ATP13A1: variants seen among roughly 807,000 people sequenced by gnomAD.
The protein encoded by ATP13A1 is ATPase 13A1.
A neutral mutation model predicts 134.8 loss-of-function variants in ATP13A1; 55 were observed. That is an observed-to-expected ratio of 0.41 (90% CI 0.33 to 0.51). The LOEUF is 0.51. Among genes scored for constraint, ATP13A1 ranks in the 20% least tolerant of loss-of-function variants. The pLI is 0.29. For synonymous variants in ATP13A1, 775 were observed against 725.1 expected (o/e 1.07, Z -1.10); for missense variants, 1,389 against 1,652.8 (o/e 0.84, Z 2.77).
chr19:19,658,997 G>A (rs2062077597), intron 3 of ATP13A1, among the ~76,000 whole-genome samples: 1 of 152,194 alleles, frequency 6.6e-6, no homozygotes, highest in African/African-American at 2.4e-5. Flanking sequence ...GGGGCCACAG[G>A]CTAGACTCCT....
Position 19,645,466 on chromosome 19 carries a change from G to A in ATP13A1, c.3571C>T (p.Leu1191=), listed in dbSNP as rs1480216093. The change falls in exon 26 of 26, where the codon CTG becomes TTG. Residue 1191 remains leucine (L), a synonymous_variant. Transcript: ENST00000357324. This position sits in a 1 kb window ranked among gnomAD's most constrained non-coding sequence, Gnocchi z 4.1. ...TTCGGGGTCCCCAGGAAGAACTGCA[G>A]GACGCGGTCGGCCAGGAGCGCCAGG... The part of the protein sequence containing the change: ...FCLALLADRV[L]QFFLGTPKLK... The A allele has an allele frequency of 4.4e-6, 7 of 1,607,952 alleles. No homozygotes were observed. The South Asian group carries it at 5.6e-5, about 13-fold the overall frequency.
In ATP13A1 at chr19:19,647,865, G is replaced by T; in HGVS notation, c.2633-106C>A. 7.2e-7 allele frequency: 1 copy of T among 1,390,720 alleles called. No individual in the cohort carries two copies. The highest frequency in any genetic ancestry group is 9.6e-7 in the Non-Finnish European group (1 of 1,044,900). The allele number at this position is 1,390,720 out of a possible 1,614,324, so 86.1% of individuals were successfully genotyped here. A position where few individuals can be genotyped will look rare whatever the true frequency, so the allele number is the denominator to read the frequency against. On this transcript the variant is annotated intron_variant, in intron 19 of 25. Coordinates refer to ENST00000357324, the MANE Select transcript of ATP13A1 (RefSeq NM_020410.3). This position sits in a 1 kb window ranked among gnomAD's most constrained non-coding sequence, Gnocchi z 4.8. The stretch of plus-strand genomic sequence containing the variant: ...GAAGTCCCCCAGCTGGCTCCCGTGA[G>T]GACAGTTCCCAGACTTCCCCATTTC...
intron 1 of ATP13A1, among the ~76,000 whole-genome samples, chr19:19,662,809 G>C (rs1176166091): frequency 6.6e-6 from 1 of 152,202 alleles, no homozygotes; most frequent in Admixed American, 6.5e-5. Context: ...ACTTGGTTCA[G>C]TCTAAGAACC....
chr19:19,655,138 G>A lies in ATP13A1; in HGVS notation c.1636C>T (p.Arg546Cys), dbSNP rs780164766. The change falls in exon 12 of 26, where the codon CGC becomes TGC. Residue 546 changes from arginine to cysteine, a missense_variant. By Grantham distance (180) the Arg-to-Cys change is radical. Transcript: ENST00000357324. This position sits in a 1 kb window ranked among gnomAD's most constrained non-coding sequence, Gnocchi z 5.7. ...GCTTACCTCAGCCCGGCCACACCGC[G>A]CACCACCAGGCTGTCACTGGTCAAC... ...GTLTSDSLVV[R>C]GVAGLRDGKE... 8 of 1,613,862 alleles carry A rather than the reference G, an allele frequency of 5.0e-6. No homozygotes were observed. The highest frequency in any genetic ancestry group is 1.7e-5 in the Admixed American group (1 of 59,996).
rs2062097905 is a variant in ATP13A1 at position 19,662,007 on chromosome 19, A to T, written c.396+1264T>A. 4.5e-6 allele frequency: 7 copies of T among 1,545,028 alleles called. No homozygotes were observed. In the South Asian group the frequency reaches 7.2e-5, roughly 16 times the overall value. On this transcript the variant is annotated intron_variant, in intron 1 of 25. Transcript: ENST00000357324. ...GTTAGTTACGGTTCTCAGTTTACAGAAGGGGGAAACTGAAACTCAGAGAGC... is the reference window on the plus strand; with the variant it reads ...GTTAGTTACGGTTCTCAGTTTACAGTAGGGGGAAACTGAAACTCAGAGAGC...
chr19:19,645,682 T>TG lies in ATP13A1; in HGVS notation c.3468dup (p.Asn1157GlnfsTer115). On this transcript the variant is annotated frameshift_variant, in exon 25 of 26. Transcript: ENST00000357324. LOFTEE classifies it high-confidence loss of function. The surrounding 1 kb of genome is among the most constrained non-coding windows in gnomAD (Gnocchi z 4.1). ...ATGTCCACGAGGCCAAACTGGCTGT[T>TG]GAAGTCGGGCGAGGAGCCGAGGAGC... The TG allele has an allele frequency of 6.3e-7, 1 of 1,575,874 alleles. No homozygotes were observed. Among genetic ancestry groups the TG allele is most frequent in the Non-Finnish European group, 8.6e-7 (1 of 1,161,152 alleles).
rs1485054337 is a variant in ATP13A1, at chr19:19,649,866, C to T, written c.2410G>A (p.Ala804Thr). Residue 804 changes from alanine (A) to threonine (T), a missense_variant, in exon 18 of 26, where the codon GCC becomes ACC. Transcript: ENST00000357324. ...PLARGSPKAL[A>T]LEYALCLTGD... ...GTGAGGCACAGTGCGTACTCCAGGG[C>T]CAGTGCCTTTGGGGAGCCCCGGGCC... 1 of 1,603,412 alleles carries T rather than the reference C, an allele frequency of 6.2e-7. No individual in the cohort carries two copies. Among genetic ancestry groups the T allele is most frequent in the Middle Eastern group, 1.7e-4 (1 of 5,972 alleles).
At chr19:19,659,554 G>A (rs369963752) in intron 3 of ATP13A1, 47 bp downstream of exon 3, 49 of 1,544,916 alleles carry the variant, frequency 3.2e-5, no homozygotes, top group Non-Finnish European at 4.0e-5. Context: ...ATCAGGAGGG[G>A]AGCAGGACAG....
Position 19,645,837 on chromosome 19 carries a change from G to T in ATP13A1, c.3360+37C>A. 1.7e-6 allele frequency: 1 copy of T among 591,994 alleles called. No homozygotes were observed. The highest frequency in any genetic ancestry group is 3.2e-6 in the Non-Finnish European group (1 of 312,914). The allele number at this position is 591,994 out of a possible 1,614,324, so 36.7% of individuals were successfully genotyped here. A position where few individuals can be genotyped will look rare whatever the true frequency, so the allele number is the denominator to read the frequency against. ...GGCTTCATGGGGTGGGGCTGGGTGGGCAGACAGTGAATGTTTGGGCAGGGC... is the reference window on the plus strand; with the variant it reads ...GGCTTCATGGGGTGGGGCTGGGTGGTCAGACAGTGAATGTTTGGGCAGGGC... On this transcript the variant is annotated intron_variant, in intron 24 of 25. Coordinates refer to ENST00000357324, the MANE Select transcript of ATP13A1 (RefSeq NM_020410.3). This position sits in a 1 kb window ranked among gnomAD's most constrained non-coding sequence, Gnocchi z 4.1.
chr19:19,647,612 G>A lies in ATP13A1; in HGVS notation c.2780C>T (p.Pro927Leu). The A allele has an allele frequency of 6.2e-7, 1 of 1,613,520 alleles. No individual in the cohort carries two copies. The change falls in exon 20 of 26, where the codon CCA becomes CTA. Residue 927 changes from proline to leucine, a missense_variant. By Grantham distance (98) the Pro-to-Leu change is moderately conservative. This residue lies in a region of ATP13A1 where 121 missense variants were observed against 104.9 expected (regional missense o/e 1.15). Transcript: ENST00000357324. This position sits in a 1 kb window ranked among gnomAD's most constrained non-coding sequence, Gnocchi z 4.8. ...CTTGGGACTCACCCTCTGGGAGGTT[G>A]GCTGCTCCTCGGAGGGAGGGAGCCC... ...RSGLPPSEEQ[P>L]TSQRDRLSQV...
At chr19:19,654,385 T>C (rs571660685) in intron 13 of ATP13A1, among the ~76,000 whole-genome samples, 158 bp downstream of exon 13, 1 of 152,236 alleles carries the variant, frequency 6.6e-6, no homozygotes, top group South Asian at 2.1e-4. Context: ...ACGTGGCCTA[T>C]CCTGGGTCTA....
chr19:19,654,061 T>C lies in ATP13A1; in HGVS notation c.1897A>G (p.Met633Val). 2 of 1,596,614 alleles carry C rather than the reference T, an allele frequency of 1.3e-6. No individual in the cohort carries two copies. The highest frequency in any genetic ancestry group is 1.7e-6 in the Non-Finnish European group (2 of 1,171,768). ...TTCTCATACGAGGCAAGCACGGACA[T>C]TCGCTTCAGGGCACTGGCAAAATGA... ...RFHFASALKR[M>V]SVLASYEKLG... The change falls in exon 14 of 26, where the codon ATG (methionine) becomes GTG (valine). Residue 633 changes from methionine to valine, a missense_variant. By Grantham distance (21) the Met-to-Val change is conservative (BLOSUM62 1). Coordinates refer to ENST00000357324, the MANE Select transcript of ATP13A1 (RefSeq NM_020410.3).
At chr19:19,650,167 C>T (rs1000150060) in intron 17 of ATP13A1, 6 of 589,876 alleles carry the variant, frequency 1.0e-5, no homozygotes, top group Middle Eastern at 4.4e-4. Context: ...GCCTGAGAGC[C>T]CGGGACACAG....
chr19:19,646,592 T>G, intron 22 of ATP13A1: 1 of 562,806 alleles, frequency 1.8e-6, no homozygotes, highest in East Asian at 3.0e-5. Flanking sequence ...CACAGGGGCC[T>G]GAGAATCATG....
rs1193410623 is a variant in ATP13A1 at position 19,649,650 on chromosome 19, G to A, written c.2549C>T (p.Thr850Ile). 3 of 1,613,962 alleles carry A rather than the reference G, an allele frequency of 1.9e-6. No individual in the cohort carries two copies. The highest frequency in any genetic ancestry group is 2.2e-5 in the South Asian group (2 of 91,082). ...VAPKQKEFVI[T>I]SLKELGYVTL... is the part of the protein sequence containing the mutation. ...CACGTAGCCCAGCTCCTTCAGGCTG[G>A]TGATGACAAACTCCTGTATGGGCGG... Residue 850 changes from threonine (T) to isoleucine (I), a missense_variant, in exon 19 of 26, where the codon ACC becomes ATC. Physicochemically the swap from Thr to Ile is moderately conservative, Grantham distance 89. Coordinates refer to ENST00000357324, the MANE Select transcript of ATP13A1 (RefSeq NM_020410.3).
chr19:19,645,566 C>T lies in ATP13A1; in HGVS notation c.3505-34G>A. On this transcript the variant is annotated intron_variant, in intron 25 of 25. Coordinates refer to ENST00000357324, the MANE Select transcript of ATP13A1 (RefSeq NM_020410.3). This position sits in a 1 kb window ranked among gnomAD's most constrained non-coding sequence, Gnocchi z 4.1. The stretch of plus-strand genomic sequence containing the variant: ...GCAGGGAGGGATGGTGAGCTGGAGA[C>T]CTGCAGCCCAGCTCAGGGTCACTGC... 6.4e-7 allele frequency: 1 copy of T among 1,569,978 alleles called. No individual in the cohort carries two copies. The highest frequency in any genetic ancestry group is 1.4e-5 in the African/African-American group (1 of 73,976).
chr19:19,657,463 G>A, intron 3 of ATP13A1, 55 bp from the exon 4 acceptor site: 1 of 1,514,152 alleles, frequency 6.6e-7, no homozygotes, highest in Non-Finnish European at 8.9e-7. Context: ...GGGGTATGGA[G>A]TCTCCACCCT....
chr19:19,656,224 T>A lies in ATP13A1; in HGVS notation c.1084-41A>T, dbSNP rs1312996452. The A allele has an allele frequency of 6.4e-7, 1 of 1,563,000 alleles. No homozygotes were observed. Among genetic ancestry groups the A allele is most frequent in the East Asian group, 2.3e-5 (1 of 44,390 alleles). On this transcript the variant is annotated intron_variant, in intron 7 of 25. Coordinates refer to ENST00000357324, the MANE Select transcript of ATP13A1 (RefSeq NM_020410.3). This position sits in a 1 kb window ranked among gnomAD's most constrained non-coding sequence, Gnocchi z 4.6. The stretch of plus-strand genomic sequence containing the variant: ...GTGAATCTGGATGGCCAGGCCTACC[T>A]TGCTTCCTTCTCCATCTGAGTTCCT...
Position 19,645,626 on chromosome 19 carries a change from C to T in ATP13A1, c.3504+21G>A, listed in dbSNP as rs1259696292. ...GACCCATCAAGCTGAGCCCCAGGGT[C>T]ACCTCCACAGGGCCACTGACCTCCA... On this transcript the variant is annotated intron_variant, in intron 25 of 25. Coordinates refer to ENST00000357324, the MANE Select transcript of ATP13A1 (RefSeq NM_020410.3). This position sits in a 1 kb window ranked among gnomAD's most constrained non-coding sequence, Gnocchi z 4.1. 6.4e-7 allele frequency: 1 copy of T among 1,563,436 alleles called. No individual in the cohort carries two copies. The highest frequency in any genetic ancestry group is 8.7e-7 in the Non-Finnish European group (1 of 1,154,026).
Sources: allele counts gnomAD v4.1 joint callset (sites outside exome capture counted in the v4.1 genomes callset), GRCh38; gene constraint gnomAD v4.1.1; regional missense constraint gnomAD v4.1.1; non-coding constraint Gnocchi (gnomAD v3.1); transcripts MANE v1.5; gene names NCBI Gene and HGNC (gene_info 2026-07-23, HGNC 2026-07-21).